PVT1: variants seen among roughly 807,000 people sequenced by gnomAD.
PVT1 encodes CXCR4/PVT1 fusion.
chr8:128,071,146 C>T (rs1040885215), intron 5 of PVT1, among the ~76,000 whole-genome samples: 1 of 152,170 alleles, frequency 6.6e-6, no homozygotes, highest in African/African-American at 2.4e-5. Flanking sequence ...AGACCCATTT[C>T]CACACCAGCT....
Position 127,980,147 on chromosome 8 carries a change from G to A in PVT1, n.783-9015G>A, listed in dbSNP as rs1170594376. ...TCTTCCTGCCTCGACCTCCTGAAGC[G>A]CTGGGATTATAGGTGTGAACCACTG... On this transcript the variant is annotated intron_variant and non_coding_transcript_variant, in intron 3 of 10. Coordinates refer to ENST00000651587, the Ensembl canonical transcript of PVT1. Among the ~76,000 whole-genome samples, 23 of 152,112 alleles carry A rather than the reference G, an allele frequency of 1.5e-4. 1 individual carries two copies. The highest frequency in any genetic ancestry group is 1.0e-3 in the Admixed American group (16 of 15,258).
chr8:128,022,229 T>C (rs1817446633), intron 4 of PVT1, among the ~76,000 whole-genome samples: 1 of 152,052 alleles, frequency 6.6e-6, no homozygotes, highest in Non-Finnish European at 1.5e-5. Context: ...ACCAGGACAT[T>C]TTAAGGTGGG....
chr8:127,907,333 G>A (rs747413792), intron 3 of PVT1, among the ~76,000 whole-genome samples: 1 of 152,148 alleles, frequency 6.6e-6, no homozygotes, highest in East Asian at 1.9e-4. Context: ...GTCAAAATGC[G>A]GTGCTGTAAA....
At chr8:127,947,290 T>C (rs1816432998) in intron 3 of PVT1, 1 of 209,166 alleles carries the variant, frequency 4.8e-6, no homozygotes, top group Admixed American at 5.2e-5. Context: ...ATTCTCTGGC[T>C]TATTGGGAAA....
chr8:127,864,271 G>A (rs1409567089), intron 2 of PVT1, among the ~76,000 whole-genome samples: 1 of 152,182 alleles, frequency 6.6e-6, no homozygotes, highest in Non-Finnish European at 1.5e-5. Flanking sequence ...ACCTGGGGAG[G>A]GGAGAGAGCC....
At chr8:128,044,381 C>T (rs1356519168) in intron 4 of PVT1, among the ~76,000 whole-genome samples, 1 of 152,076 alleles carries the variant, frequency 6.6e-6, no homozygotes, top group Admixed American at 6.5e-5. Context: ...TGCTTTATTC[C>T]CTGGAAAATG....
At chr8:127,876,644 G>C (rs1232915708) in intron 2 of PVT1, among the ~76,000 whole-genome samples, 1 of 152,082 alleles carries the variant, frequency 6.6e-6, no homozygotes, top group African/African-American at 2.4e-5. Context: ...GTTCTGAAGG[G>C]ATGGGGACTA....
At chr8:128,050,147 G>A (rs996042710) in intron 4 of PVT1, among the ~76,000 whole-genome samples, 2 of 152,138 alleles carry the variant, frequency 1.3e-5, no homozygotes, top group African/African-American at 4.8e-5. Context: ...AGGAGAAGTG[G>A]TTTTCCCTCT....
chr8:127,872,983 C>A (rs1042853878), intron 2 of PVT1, among the ~76,000 whole-genome samples: 7 of 152,316 alleles, frequency 4.6e-5, no homozygotes, highest in Admixed American at 3.3e-4. Flanking sequence ...CTGACTGTAC[C>A]ACTGAGCTGC....
rs183195520 is a variant in PVT1, at chr8:127,851,035, A to G, written n.373-39554A>G. Among the ~76,000 whole-genome samples the G allele has an allele frequency of 2.6e-3, 403 of 152,302 alleles. 1 individual carries two copies. The highest frequency in any genetic ancestry group is 9.4e-3 in the African/African-American group (389 of 41,568). ...AAAAAAAATTAAAAAAAAATAAAAAAAGATAAAATGTAGTTATGAAAAGAT... is the reference window on the plus strand; with the variant it reads ...AAAAAAAATTAAAAAAAAATAAAAAGAGATAAAATGTAGTTATGAAAAGAT... On this transcript the variant is annotated intron_variant and non_coding_transcript_variant, in intron 2 of 10. Transcript: ENST00000651587.
intron 4 of PVT1, among the ~76,000 whole-genome samples, chr8:128,064,117 T>C (rs2648882): frequency 0.11 from 16,250 of 152,218 alleles, 1,182 homozygotes; most frequent in East Asian, 0.28. Context: ...GCGCTATTGA[T>C]AGTCCTTCCT....
At chr8:128,013,321 G>A (rs1163126283) in intron 4 of PVT1, among the ~76,000 whole-genome samples, 1 of 152,070 alleles carries the variant, frequency 6.6e-6, no homozygotes, top group Non-Finnish European at 1.5e-5. Flanking sequence ...TTGCTTAATG[G>A]TGTTGTTATC....
chr8:127,851,415 T>C (rs1815105977), intron 2 of PVT1, among the ~76,000 whole-genome samples: 1 of 152,178 alleles, frequency 6.6e-6, no homozygotes, highest in African/African-American at 2.4e-5. Context: ...TTTAACTCCT[T>C]TGAGCCACCC....
chr8:127,950,200 T>C (rs1816488943), intron 3 of PVT1, among the ~76,000 whole-genome samples: 2 of 152,238 alleles, frequency 1.3e-5, no homozygotes, highest in African/African-American at 4.8e-5. Context: ...ACAGTGGGAA[T>C]GCTAACCGCA....
chr8:128,003,655 T>C (rs908594138), intron 4 of PVT1, among the ~76,000 whole-genome samples: 3 of 152,370 alleles, frequency 2.0e-5, no homozygotes, highest in Non-Finnish European at 4.4e-5. Flanking sequence ...TTTTATAAAA[T>C]GTCTTTGTTT....
At chr8:127,956,975 C>T (rs1245952304) in intron 3 of PVT1, among the ~76,000 whole-genome samples, 1 of 152,180 alleles carries the variant, frequency 6.6e-6, no homozygotes, top group Non-Finnish European at 1.5e-5. Flanking sequence ...ATCATCATCA[C>T]TATCATTATC....
At chr8:127,840,607 T>C (rs1814962443) in intron 2 of PVT1, among the ~76,000 whole-genome samples, 1 of 152,248 alleles carries the variant, frequency 6.6e-6, no homozygotes, top group Non-Finnish European at 1.5e-5. Flanking sequence ...GGAGGAGACC[T>C]GTGCTGGCAG....
intron 3 of PVT1, among the ~76,000 whole-genome samples, chr8:127,982,688 T>G (rs1816898613): frequency 6.7e-6 from 1 of 149,338 alleles, no homozygotes; most frequent in East Asian, 1.9e-4. Context: ...ATAAAATAAA[T>G]GAATCAATTA....
At chr8:128,013,659 C>A (rs528048053) in intron 4 of PVT1, among the ~76,000 whole-genome samples, 5 of 152,132 alleles carry the variant, frequency 3.3e-5, no homozygotes, top group Non-Finnish European at 7.3e-5. Flanking sequence ...AACAAATGGT[C>A]CTTATTCGTA....
Sources: gnomAD v4.1 joint callset for allele counts (sites outside exome capture counted in the v4.1 genomes callset) on GRCh38, gnomAD v4.1.1 for gene constraint, MANE v1.5 for transcripts, NCBI Gene and HGNC (gene_info 2026-07-23, HGNC 2026-07-21) for gene names.